FOXP2: variants seen among roughly 807,000 people sequenced by gnomAD.
FOXP2 encodes the protein forkhead box protein P2.
FOXP2 carries 12 observed loss-of-function variants against 115.8 expected under a neutral mutation model. The ratio of observed to expected loss-of-function variants is 0.10; its 90% CI spans 0.07 to 0.17. The LOEUF is 0.17. Ranked by LOEUF, FOXP2 falls within the 10% of genes least tolerant of loss-of-function variation. The probability of loss-of-function intolerance (pLI) is 1.00; values close to 1 mark genes in which losing one functional copy is unlikely to be tolerated. For missense variants in FOXP2, 629 were observed against 843.5 expected, an observed-to-expected ratio of 0.75 and a Z score of 3.15; for synonymous variants, 328 against 297.7, an observed-to-expected ratio of 1.10 and a Z score of -1.05.
At chr7:114,201,666 A>T (rs1794071322) in intron 1 of FOXP2, among the ~76,000 whole-genome samples, 1 of 152,212 alleles carries the variant, frequency 6.6e-6, no homozygotes, top group Admixed American at 6.5e-5. Flanking sequence ...GCATGTCTAG[A>T]ACCAAATCAT....
rs199920225 is a variant in FOXP2, at chr7:114,463,955, AT to A, written c.168+37285del. 1.6e-3 allele frequency among the ~76,000 whole-genome samples: 241 copies of A among 151,898 alleles called. 2 individuals carry two copies. The highest frequency in any genetic ancestry group is 5.2e-3 in the African/African-American group (214 of 41,450). ...GTTTCTAGCTCTATTTTGACTATAT[AT>A]TTTTTTTTAAATCAGAAAGAACAAT... On this transcript the variant is annotated intron_variant, in intron 2 of 16. Coordinates refer to ENST00000350908, the MANE Select transcript of FOXP2 (RefSeq NM_014491.4).
chr7:114,614,871 C>T (rs939578856), intron 3 of FOXP2, among the ~76,000 whole-genome samples: 1 of 152,126 alleles, frequency 6.6e-6, no homozygotes, highest in Non-Finnish European at 1.5e-5. Flanking sequence ...GGCAGCACCC[C>T]TCTAACTGGG....
chr7:114,572,571 T>A (rs1801369088), intron 3 of FOXP2, among the ~76,000 whole-genome samples: 1 of 151,780 alleles, frequency 6.6e-6, no homozygotes, highest in African/African-American at 2.4e-5. Flanking sequence ...TAAAGAAAAT[T>A]AACTTAAAAT....
chr7:114,370,370 G>A (rs1245346023), intron 2 of FOXP2, among the ~76,000 whole-genome samples: 1 of 152,202 alleles, frequency 6.6e-6, no homozygotes, highest in South Asian at 2.1e-4. Context: ...GGCTTTAGGG[G>A]CATCCACTTG....
intron 1 of FOXP2, among the ~76,000 whole-genome samples, chr7:114,131,758 C>T (rs1791885635): frequency 6.6e-6 from 1 of 152,092 alleles, no homozygotes; most frequent in South Asian, 2.1e-4. Flanking sequence ...ATAAAAAGGA[C>T]TGAAATTGTG....
chr7:114,598,759 G>T (rs1241317128), intron 3 of FOXP2, among the ~76,000 whole-genome samples: 1 of 151,986 alleles, frequency 6.6e-6, no homozygotes, highest in Non-Finnish European at 1.5e-5. Flanking sequence ...GTAAGTTTTT[G>T]TGAAGTATAA....
intron 3 of FOXP2, among the ~76,000 whole-genome samples, chr7:114,557,872 C>T (rs867849883): frequency 4.0e-5 from 6 of 151,718 alleles, no homozygotes; most frequent in African/African-American, 1.2e-4. Context: ...TGCAGTGGCC[C>T]GATCTCAGCT....
intron 3 of FOXP2, among the ~76,000 whole-genome samples, chr7:114,542,931 C>T (rs939169359): frequency 9.9e-5 from 15 of 151,610 alleles, no homozygotes; most frequent in South Asian, 2.1e-4. Context: ...GCTGGGGTCA[C>T]GGGCATGCAC....
At chr7:114,181,721 A>C in intron 1 of FOXP2, among the ~76,000 whole-genome samples, 1 of 152,088 alleles carries the variant, frequency 6.6e-6, no homozygotes, top group Admixed American at 6.6e-5. Flanking sequence ...TTTAATAAAC[A>C]CTTATTAAAT....
At chr7:114,253,155 G>A (rs1467977559) in intron 1 of FOXP2, among the ~76,000 whole-genome samples, 1 of 152,170 alleles carries the variant, frequency 6.6e-6, no homozygotes, top group Non-Finnish European at 1.5e-5. Context: ...TGGTCTGAGA[G>A]ACAGTTTGTT....
intron 1 of FOXP2, among the ~76,000 whole-genome samples, chr7:114,210,398 T>C (rs770526134): frequency 1.3e-5 from 2 of 152,130 alleles, no homozygotes; most frequent in East Asian, 1.9e-4. Context: ...CACTCTACCA[T>C]AGGGCTGCTG....
At chr7:114,359,734 T>G (rs954754842) in intron 2 of FOXP2, among the ~76,000 whole-genome samples, 7 of 152,198 alleles carry the variant, frequency 4.6e-5, no homozygotes, top group Non-Finnish European at 8.8e-5. Context: ...AGCCCTTTTG[T>G]TTTGACCAAT....
intron 2 of FOXP2, among the ~76,000 whole-genome samples, chr7:114,322,836 C>T (rs762963825): frequency 2.0e-5 from 3 of 152,020 alleles, no homozygotes; most frequent in South Asian, 2.1e-4. Flanking sequence ...TTTATATACA[C>T]GTATTTTGTT....
intron 1 of FOXP2, among the ~76,000 whole-genome samples, chr7:114,131,241 CTAAT>C (rs914575941): frequency 6.6e-6 from 1 of 152,142 alleles, no homozygotes; most frequent in Non-Finnish European, 1.5e-5. Context: ...CTCTTATACT[CTAAT>C]TATCTCCATC....
intron 1 of FOXP2, among the ~76,000 whole-genome samples, chr7:114,269,335 G>A (rs1012642801): frequency 1.3e-5 from 2 of 152,152 alleles, no homozygotes; most frequent in Non-Finnish European, 2.9e-5. Context: ...CGTTTGTAAA[G>A]AAAACTAAAA....
At chr7:114,265,744 G>A (rs1217526842) in intron 1 of FOXP2, among the ~76,000 whole-genome samples, 1 of 152,214 alleles carries the variant, frequency 6.6e-6, no homozygotes, top group Middle Eastern at 3.4e-3. Context: ...CCTGTGAAAT[G>A]TAGGTGGAGG....
intron 6 of FOXP2, among the ~76,000 whole-genome samples, chr7:114,636,360 T>C (rs1805218001): frequency 1.3e-5 from 2 of 152,164 alleles, no homozygotes; most frequent in South Asian, 4.1e-4. Context: ...AACTGAAAAG[T>C]ACATAGTAAT....
chr7:114,253,173 C>A (rs918623211), intron 1 of FOXP2, among the ~76,000 whole-genome samples: 7 of 152,070 alleles, frequency 4.6e-5, no homozygotes, highest in Non-Finnish European at 1.0e-4. Flanking sequence ...GTTATAATTT[C>A]TGTTCTTTTA....
intron 3 of FOXP2, among the ~76,000 whole-genome samples, chr7:114,598,831 C>T (rs1005438822): frequency 2.6e-5 from 4 of 152,030 alleles, no homozygotes; most frequent in African/African-American, 4.8e-5. Flanking sequence ...AAAGTGAATA[C>T]ACCCATGGAA....
Sources: allele counts gnomAD v4.1 joint callset (sites outside exome capture counted in the v4.1 genomes callset), GRCh38; gene constraint gnomAD v4.1.1; transcripts MANE v1.5; gene names NCBI Gene and HGNC (gene_info 2026-07-23, HGNC 2026-07-21).